The following DCLK1 variants were observed in gnomAD, a reference collection of about 807,000 sequenced individuals.
DCLK1 encodes serine/threonine-protein kinase DCLK1.
Under a neutral mutation model 86.2 loss-of-function variants are expected in DCLK1, and 16 were observed. That is an observed-to-expected ratio of 0.19 (90% CI 0.13 to 0.28). The LOEUF (loss-of-function observed/expected upper bound fraction) is 0.28. DCLK1 is among the 10% of genes least tolerant of loss of function. DCLK1 has a pLI of 1.00. For synonymous variants in DCLK1, 369 were observed against 370.5 expected (o/e 1.00, Z 0.05); for missense variants, 590 against 940.2 (o/e 0.63, Z 4.87).
At chr13:36,062,439 T>C (rs1883585232) in intron 3 of DCLK1, among the ~76,000 whole-genome samples, 1 of 152,108 alleles carries the variant, frequency 6.6e-6, no homozygotes, top group African/African-American at 2.4e-5. Context: ...ACAAAACAGG[T>C]GGAGAACAAC....
At position 35,839,165 on chromosome 13, in the gene DCLK1, A is replaced by G; in HGVS notation, c.1047T>C (p.His349=). The change falls in exon 7 of 17, where the codon CAT becomes CAC. Residue 349 remains histidine (H), a synonymous_variant. Coordinates refer to ENST00000360631, the MANE Select transcript of DCLK1 (RefSeq NM_001330071.2). ...GSLRKQRSSQ[H]GGSSTSLAST... is the part of the protein sequence containing the mutation. ...ACGCAAGTGACGTAGAGGAGCCGCCATGCTGAGAGCTCTGTAGGGGAACAG... is the reference window on the plus strand; with the variant it reads ...ACGCAAGTGACGTAGAGGAGCCGCCGTGCTGAGAGCTCTGTAGGGGAACAG... 2 of 1,582,580 alleles carry G rather than the reference A, an allele frequency of 1.3e-6. No individual in the cohort carries two copies. Among genetic ancestry groups the G allele is most frequent in the Non-Finnish European group, 1.7e-6 (2 of 1,163,868 alleles).
intron 1 of DCLK1, among the ~76,000 whole-genome samples, chr13:36,130,756 T>C (rs963714778): frequency 1.6e-4 from 24 of 152,030 alleles, no homozygotes; most frequent in Admixed American, 9.2e-4. Context: ...CCGCAGCCAG[T>C]TCTGACAATG....
intron 13 of DCLK1, among the ~76,000 whole-genome samples, chr13:35,808,593 G>A (rs767168845): frequency 6.6e-5 from 10 of 152,102 alleles, no homozygotes; most frequent in Non-Finnish European, 1.3e-4. Context: ...TACCAGCTTG[G>A]CCAACATGGT....
intron 6 of DCLK1, chr13:35,848,477 G>A: frequency 1.0e-6 from 1 of 985,264 alleles, no homozygotes; most frequent in Non-Finnish European, 1.2e-6. Flanking sequence ...GAAGTCATAT[G>A]TTCAAGAGAT....
chr13:35,785,826 T>C (rs1026328097), intron 16 of DCLK1, among the ~76,000 whole-genome samples: 4 of 152,190 alleles, frequency 2.6e-5, no homozygotes, highest in Admixed American at 6.5e-5. Flanking sequence ...AGACAAATGC[T>C]CCCACTTCTG....
chr13:35,853,685 G>A (rs959672007), intron 6 of DCLK1, among the ~76,000 whole-genome samples: 1 of 152,188 alleles, frequency 6.6e-6, no homozygotes, highest in East Asian at 1.9e-4. Context: ...GCTTATTAAA[G>A]TGTTCAGTGA....
intron 3 of DCLK1, among the ~76,000 whole-genome samples, chr13:36,071,397 T>G (rs911128030): frequency 6.6e-6 from 1 of 152,200 alleles, no homozygotes; most frequent in African/African-American, 2.4e-5. Context: ...CTGTTAAGTA[T>G]TATTATACTC....
chr13:36,069,140 T>G (rs1438028202), intron 3 of DCLK1, among the ~76,000 whole-genome samples: 1 of 152,190 alleles, frequency 6.6e-6, no homozygotes, highest in Admixed American at 6.5e-5. Context: ...TTGTAGGAAT[T>G]GATCACTGAT....
intron 12 of DCLK1, among the ~76,000 whole-genome samples, chr13:35,809,997 G>A (rs944930644): frequency 2.0e-5 from 3 of 152,046 alleles, no homozygotes; most frequent in Non-Finnish European, 4.4e-5. Flanking sequence ...GAAAAAGTAG[G>A]GCTGCCTCCC....
chr13:36,088,168 A>T (rs1884683878), intron 3 of DCLK1, among the ~76,000 whole-genome samples: 1 of 152,234 alleles, frequency 6.6e-6, no homozygotes. Context: ...ATTCTGGAAT[A>T]GCAGGTTGAT....
rs2087424858 is a variant in DCLK1 at position 35,822,725 on chromosome 13, T to C, written c.1554+4A>G. On this transcript the variant is annotated splice_donor_region_variant and intron_variant, in intron 11 of 16. Transcript: ENST00000360631. ...GGATGCCCTGTAGGTGGAATTCCTC[T>C]TACCAGCAGGTTCTCTGGCTTGATA... 1.9e-6 allele frequency: 3 copies of C among 1,614,078 alleles called. No homozygotes were observed. Among genetic ancestry groups the C allele is most frequent in the Non-Finnish European group, 2.5e-6 (3 of 1,179,998 alleles).
chr13:35,820,950 C>T (rs1050823444), intron 11 of DCLK1, among the ~76,000 whole-genome samples: 8 of 152,156 alleles, frequency 5.3e-5, no homozygotes, highest in African/African-American at 1.4e-4. Context: ...TCTGCTTCAG[C>T]GTCAACTTCA....
At chr13:36,042,657 C>T (rs1882737728) in intron 3 of DCLK1, among the ~76,000 whole-genome samples, 1 of 152,138 alleles carries the variant, frequency 6.6e-6, no homozygotes, top group South Asian at 2.1e-4. Flanking sequence ...CACTACCAAG[C>T]CAGAGGCTTT....
At chr13:35,792,577 ATTAAAATT>A (rs1861807487) in intron 16 of DCLK1, among the ~76,000 whole-genome samples, 1 of 151,294 alleles carries the variant, frequency 6.6e-6, no homozygotes, top group African/African-American at 2.5e-5. Flanking sequence ...TGAATATGCT[ATTAAAATT>A]TACACACTCT....
At chr13:35,898,289 A>T (rs1022127333) in intron 4 of DCLK1, among the ~76,000 whole-genome samples, 1 of 152,250 alleles carries the variant, frequency 6.6e-6, no homozygotes, top group Non-Finnish European at 1.5e-5. Context: ...TAAACACTTA[A>T]GTGTCCTAGC....
chr13:35,779,212 G>A (rs2153097495), intron 16 of DCLK1, among the ~76,000 whole-genome samples: 1 of 152,166 alleles, frequency 6.6e-6, no homozygotes, highest in African/African-American at 2.4e-5. Flanking sequence ...CTGACCTCAG[G>A]TGATCCACCT....
chr13:36,122,635 A>T (rs1246170233), intron 2 of DCLK1, among the ~76,000 whole-genome samples: 1 of 152,202 alleles, frequency 6.6e-6, no homozygotes, highest in Admixed American at 6.5e-5. Flanking sequence ...GGGGGAAATG[A>T]GGCCAAGTCT....
chr13:35,961,487 A>G (rs1367710539), intron 3 of DCLK1, among the ~76,000 whole-genome samples: 1 of 152,206 alleles, frequency 6.6e-6, no homozygotes, highest in Non-Finnish European at 1.5e-5. Context: ...ATCAACATTG[A>G]CCAAAGTGCA....
At chr13:36,090,239 T>C (rs919417055) in intron 3 of DCLK1, among the ~76,000 whole-genome samples, 1 of 152,186 alleles carries the variant, frequency 6.6e-6, no homozygotes, top group African/African-American at 2.4e-5. Context: ...TCTTTCTGGA[T>C]GAAAATTCTC....
Sources: allele counts gnomAD v4.1 joint callset (sites outside exome capture counted in the v4.1 genomes callset), GRCh38; gene constraint gnomAD v4.1.1; transcripts MANE v1.5; gene names NCBI Gene and HGNC (gene_info 2026-07-23, HGNC 2026-07-21).